COL9A3: variants seen among roughly 807,000 people sequenced by gnomAD.
COL9A3 encodes the protein collagen type IX alpha 3 chain.
In COL9A3, 82 loss-of-function variants were observed where a neutral mutation model predicts 110.2. The observed-to-expected ratio is 0.74, with a 90% CI of 0.62 to 0.89. The LOEUF is 0.89. COL9A3 is among the 40% of genes least tolerant of loss of function. The pLI is 0.00. For synonymous variants in COL9A3, 494 were observed against 403.8 expected, an observed-to-expected ratio of 1.22 and a Z score of -2.68; for missense variants, 1,066 against 981.3, an observed-to-expected ratio of 1.09 and a Z score of -1.15.
At chr20:62,825,742 A>G in intron 12 of COL9A3, 75 bp from the exon 13 acceptor site, 1 of 1,446,040 alleles carries the variant, frequency 6.9e-7, no homozygotes, top group Non-Finnish European at 9.5e-7. Flanking sequence ...GGGCTTGAGT[A>G]GGGTGACTGG....
Position 62,821,194 on chromosome 20 carries a change from C to A in COL9A3, c.323C>A (p.Pro108His), listed in dbSNP as rs541706620. ...GAPGERGSLGPPGPPGLGGKG... is the reference protein window; with the variant it reads ...GAPGERGSLGHPGPPGLGGKG... ...TTCCTCCCACAGGGAAGTCTGGGAC[C>A]CCCGGGGCCGCCCGGGCTGGGGGTG... The change falls in exon 6 of 32, where the codon CCC (proline) becomes CAC (histidine). Residue 108 changes from proline to histidine, a missense_variant. Physicochemically the swap from Pro to His is moderately conservative, Grantham distance 77. Transcript: ENST00000649368. 1.2e-6 allele frequency: 2 copies of A among 1,613,294 alleles called. No individual in the cohort carries two copies. Among genetic ancestry groups the A allele is most frequent in the South Asian group, 1.1e-5 (1 of 91,040 alleles).
Position 62,824,478 on chromosome 20 carries a change from C to A in COL9A3, c.553C>A (p.Pro185Thr). Residue 185 changes from proline to threonine, a missense_variant, in exon 11 of 32, where the codon CCC becomes ACC. Pro to Thr is a conservative substitution (Grantham distance 38). Transcript: ENST00000649368. Reference sequence around the variant, plus strand: ...TATCTGCCCGCCAGGTCCCCCAGGGCCCCCTGGAATGCCAGGGTTCAAGGT... The same window carrying A: ...TATCTGCCCGCCAGGTCCCCCAGGGACCCCTGGAATGCCAGGGTTCAAGGT... ...PSICPPGPPG[P>T]PGMPGFKGPT... 1 of 1,600,046 alleles carries A rather than the reference C, an allele frequency of 6.2e-7. No individual in the cohort carries two copies. The highest frequency in any genetic ancestry group is 1.7e-4 in the Middle Eastern group (1 of 5,984).
chr20:62,827,010 T>C (rs1447855244), intron 15 of COL9A3, among the ~76,000 whole-genome samples, 190 bp downstream of exon 15: 3 of 152,152 alleles, frequency 2.0e-5, no homozygotes, highest in Non-Finnish European at 4.4e-5. Flanking sequence ...TTGTGAGACA[T>C]TCGCCTCCTT....
At position 62,824,254 on chromosome 20, in the gene COL9A3, C is replaced by T. The variant is rs188698751; in HGVS notation, c.520-191C>T. On this transcript the variant is annotated intron_variant, in intron 10 of 31. Transcript: ENST00000649368. ...GCCTCCTGGGGTCCCATCATCTGTG[C>T]GGAGTGGCCTCCTGGGGTCCCGTCA... Among the ~76,000 whole-genome samples the T allele has an allele frequency of 4.3e-3, 475 of 111,694 alleles. 2 individuals are homozygous for T. The highest frequency in any genetic ancestry group is 0.017 in the South Asian group (55 of 3,216). 73.3% of individuals were successfully genotyped at this position (111,694 alleles called of 152,430 possible). A position where few individuals can be genotyped will look rare whatever the true frequency, so the allele number is the denominator to read the frequency against.
At chr20:62,823,279 G>A (rs942267568) in intron 10 of COL9A3, among the ~76,000 whole-genome samples, 1 of 152,116 alleles carries the variant, frequency 6.6e-6, no homozygotes, top group African/African-American at 2.4e-5. Flanking sequence ...GTGGTTGCAG[G>A]GTGCTGTGAT....
intron 10 of COL9A3, among the ~76,000 whole-genome samples, chr20:62,823,081 A>G (rs1435886942): frequency 6.6e-6 from 1 of 152,240 alleles, no homozygotes; most frequent in Non-Finnish European, 1.5e-5. Context: ...TCAGGCCTGT[A>G]ATCCCAGCAC....
intron 30 of COL9A3, among the ~76,000 whole-genome samples, chr20:62,838,478 C>T (rs1006898187): frequency 3.3e-5 from 5 of 152,246 alleles, no homozygotes; most frequent in Non-Finnish European, 7.3e-5. Flanking sequence ...CACCTGCAGC[C>T]GTCCTGCAGT....
chr20:62,836,296 C>T lies in COL9A3; in HGVS notation c.1511C>T (p.Pro504Leu), dbSNP rs759094051. Residue 504 changes from proline to leucine, a missense_variant, in exon 28 of 32, where the codon CCG (proline) becomes CTG (leucine). By Grantham distance (98) the Pro-to-Leu change is moderately conservative. Coordinates refer to ENST00000649368, the MANE Select transcript of COL9A3 (RefSeq NM_001853.4). Reference sequence around the variant, plus strand: ...GGTCCTCTGGGCCTGCAGGGCGTCCCGGGTGTTCCTGGCATCACGGGGAAG... The same window carrying T: ...GGTCCTCTGGGCCTGCAGGGCGTCCTGGGTGTTCCTGGCATCACGGGGAAG... ...PPGPLGLQGV[P>L]GVPGITGKPG... The T allele has an allele frequency of 7.5e-5, 121 of 1,613,724 alleles. No individual in the cohort carries two copies. The highest frequency in any genetic ancestry group is 9.2e-5 in the Non-Finnish European group (109 of 1,180,032).
intron 8 of COL9A3, 24 bp from the exon 9 acceptor site, chr20:62,822,083 CTCTG>C (rs1331466246): frequency 3.4e-6 from 5 of 1,451,992 alleles, no homozygotes; most frequent in African/African-American, 1.4e-5. Context: ...GCTGGTCCCA[CTCTG>C]TCTAAGTCAT....
intron 10 of COL9A3, among the ~76,000 whole-genome samples, chr20:62,823,529 G>T (rs1046340939): frequency 6.6e-6 from 1 of 152,208 alleles, no homozygotes; most frequent in Admixed American, 6.5e-5. Context: ...CCACCCCGGG[G>T]CCTAGGTGCC....
chr20:62,829,476 T>A lies in COL9A3; in HGVS notation c.1030T>A (p.Ser344Thr), dbSNP rs1337762367. 1.9e-6 allele frequency: 3 copies of A among 1,610,692 alleles called. No homozygotes were observed. The highest frequency in any genetic ancestry group is 2.5e-6 in the Non-Finnish European group (3 of 1,178,978). ...GLPGLPGRAGSKGEKGERGRA... is the reference protein window; with the variant it reads ...GLPGLPGRAGTKGEKGERGRA... ...GCAGGGCCTCCCTGGACGAGCGGGG[T>A]CCAAAGGCGAGAAGGGAGAACGGGT... Residue 344 changes from serine (S) to threonine (T), a missense_variant, in exon 20 of 32, where the codon TCC becomes ACC. Transcript: ENST00000649368.
At chr20:62,822,022 C>T (rs2063516892) in intron 8 of COL9A3, 89 bp from the exon 9 acceptor site, 1 of 879,436 alleles carries the variant, frequency 1.1e-6, no homozygotes, top group East Asian at 2.4e-5. Context: ...CTGGTGGGAG[C>T]TGGGCGTGTC....
intron 25 of COL9A3, 60 bp from the exon 26 acceptor site, chr20:62,832,960 G>A: frequency 6.9e-7 from 1 of 1,443,608 alleles, no homozygotes; most frequent in South Asian, 1.1e-5. Flanking sequence ...GGACTTTAAG[G>A]CATGAAGTCC....
chr20:62,818,640 C>G, intron 3 of COL9A3, 87 bp downstream of exon 3: 1 of 1,398,080 alleles, frequency 7.2e-7, no homozygotes, highest in Non-Finnish European at 1.0e-6. Context: ...GATATCCTGT[C>G]TCATCCTGCC....
In COL9A3 at chr20:62,818,697, C is replaced by G; in HGVS notation, c.183+144C>G. 8 of 833,178 alleles carry G rather than the reference C, an allele frequency of 9.6e-6. No individual in the cohort carries two copies. In the South Asian group the frequency reaches 9.6e-5, roughly 10 times the overall value. 51.6% of individuals were successfully genotyped at this position (833,178 alleles called of 1,614,324 possible). ...GAGGCCTCAGAGGGCTTGGAGCAGG[C>G]CTGGAGCCAGCGGGGCGGGAGGGGA... On this transcript the variant is annotated intron_variant, in intron 3 of 31. Coordinates refer to ENST00000649368, the MANE Select transcript of COL9A3 (RefSeq NM_001853.4).
At chr20:62,821,143 G>A (rs373724722) in intron 5 of COL9A3, 38 bp from the exon 6 acceptor site, 535 of 1,609,434 alleles carry the variant, frequency 3.3e-4, no homozygotes, top group Non-Finnish European at 4.4e-4. Context: ...TGCAAATAGA[G>A]GCCCAGCCCA....
In COL9A3 at chr20:62,836,430, A is replaced by G. The variant is rs1349731756; in HGVS notation, c.1549-48A>G. Reference sequence around the variant, plus strand: ...TGCGGGGTGACGGTGGGAATGCCTCACCGAGGCTGCCGCCCCCATGCTGAC... The same window carrying G: ...TGCGGGGTGACGGTGGGAATGCCTCGCCGAGGCTGCCGCCCCCATGCTGAC... On this transcript the variant is annotated intron_variant, in intron 28 of 31. Coordinates refer to ENST00000649368, the MANE Select transcript of COL9A3 (RefSeq NM_001853.4). The G allele has an allele frequency of 6.2e-6, 10 of 1,613,622 alleles. No homozygotes were observed. In the South Asian group the frequency reaches 9.9e-5, roughly 16 times the overall value.
chr20:62,827,114 C>A (rs2063559271), intron 15 of COL9A3, 127 bp from the exon 16 acceptor site: 1 of 957,494 alleles, frequency 1.0e-6, no homozygotes, highest in Non-Finnish European at 1.6e-6. Context: ...CCTGGAGGGG[C>A]CCCCATCCCA....
rs1212781871 is a variant in COL9A3, at chr20:62,825,003, C to T, written c.612C>T (p.Val204=). ...PTGYKGEQGE[V]GKDGEKGDPG... ...GCTACAAAGGCGAGCAGGGGGAAGT[C>T]GGCAAGGACGGCGAGAAGGTGAAGC... The change falls in exon 12 of 32, where the codon GTC becomes GTT. Residue 204 remains valine, a synonymous_variant. Coordinates refer to ENST00000649368, the MANE Select transcript of COL9A3 (RefSeq NM_001853.4). The T allele has an allele frequency of 2.5e-6, 4 of 1,609,188 alleles. No homozygotes were observed. The highest frequency in any genetic ancestry group is 1.1e-5 in the South Asian group (1 of 90,560).
Sources: gnomAD v4.1 joint callset for allele counts (sites outside exome capture counted in the v4.1 genomes callset) on GRCh38, gnomAD v4.1.1 for gene constraint, MANE v1.5 for transcripts, NCBI Gene and HGNC (gene_info 2026-07-23, HGNC 2026-07-21) for gene names.